FRAS1: variants seen among roughly 807,000 people sequenced by gnomAD.
FRAS1 encodes Fraser extracellular matrix complex subunit 1.
Under a neutral mutation model 435.2 loss-of-function variants are expected in FRAS1, and 290 were observed. The observed-to-expected ratio is 0.67, with a 90% CI of 0.61 to 0.73. The LOEUF (loss-of-function observed/expected upper bound fraction) is 0.73. Among genes scored for constraint, FRAS1 ranks in the 30% least tolerant of loss-of-function variants. The probability of loss-of-function intolerance (pLI) is 0.00; values close to 1 mark genes in which losing one functional copy is unlikely to be tolerated. For synonymous variants in FRAS1, 1,800 were observed against 1,851.0 expected, an observed-to-expected ratio of 0.97 and a Z score of 0.71; for missense variants, 4,860 against 5,001.5, an observed-to-expected ratio of 0.97 and a Z score of 0.85.
At chr4:78,337,566 T>G in intron 19 of FRAS1, 108 bp from the exon 20 acceptor site, 1 of 1,280,458 alleles carries the variant, frequency 7.8e-7, no homozygotes. Context: ...CTAAAGATGA[T>G]TAGAGTTGGA....
intron 2 of FRAS1, among the ~76,000 whole-genome samples, chr4:78,084,654 CT>C (rs754820350): frequency 7.2e-5 from 11 of 151,982 alleles, no homozygotes; most frequent in African/African-American, 2.2e-4. Flanking sequence ...TGATAGATTC[CT>C]TGATTTCTGG....
chr4:78,384,208 G>T, intron 28 of FRAS1, 65 bp downstream of exon 28: 1 of 1,100,502 alleles, frequency 9.1e-7, no homozygotes, highest in Non-Finnish European at 1.3e-6. Flanking sequence ...ACGAAATCTA[G>T]GTTTCCTGTG....
At chr4:78,252,087 A>G (rs1725558321) in intron 4 of FRAS1, among the ~76,000 whole-genome samples, 1 of 152,218 alleles carries the variant, frequency 6.6e-6, no homozygotes, top group African/African-American at 2.4e-5. Flanking sequence ...GGCTTTATAG[A>G]ATGTTTTAAA....
chr4:78,314,218 A>G (rs748479689), intron 15 of FRAS1, among the ~76,000 whole-genome samples: 2 of 152,066 alleles, frequency 1.3e-5, no homozygotes, highest in African/African-American at 2.4e-5. Context: ...TTGCTTGTAT[A>G]TGATGACCCC....
intron 2 of FRAS1, among the ~76,000 whole-genome samples, chr4:78,086,285 G>C (rs1481338719): frequency 1.3e-5 from 2 of 152,144 alleles, no homozygotes; most frequent in Non-Finnish European, 2.9e-5. Context: ...AGTGTGTAGA[G>C]GGAAATTTAT....
At chr4:78,272,181 G>T (rs1035976043) in intron 9 of FRAS1, among the ~76,000 whole-genome samples, 1 of 152,038 alleles carries the variant, frequency 6.6e-6, no homozygotes, top group Non-Finnish European at 1.5e-5. Context: ...TTGTAAATTT[G>T]TTTGAGTTCT....
intron 20 of FRAS1, among the ~76,000 whole-genome samples, chr4:78,354,558 A>T (rs1578268925): frequency 6.6e-6 from 1 of 152,258 alleles, no homozygotes; most frequent in East Asian, 1.9e-4. Flanking sequence ...ATCAATTTTA[A>T]AAGTGGCATT....
At chr4:78,324,104 T>A (rs1729622581) in intron 18 of FRAS1, among the ~76,000 whole-genome samples, 1 of 152,198 alleles carries the variant, frequency 6.6e-6, no homozygotes, top group African/African-American at 2.4e-5. Context: ...TCTTTCTCTC[T>A]TAAAGAGTTA....
At chr4:78,181,837 C>T (rs1560567268) in intron 2 of FRAS1, 1 of 1,612,082 alleles carries the variant, frequency 6.2e-7, no homozygotes, top group Non-Finnish European at 8.5e-7. Context: ...ACTCCTTGCG[C>T]AGCTGTTTGC....
chr4:78,507,373 G>C, intron 61 of FRAS1, 48 bp from the exon 62 acceptor site: 1 of 1,536,196 alleles, frequency 6.5e-7, no homozygotes, highest in Non-Finnish European at 8.8e-7. Context: ...TCTTGGGTGT[G>C]TTTCCTAATG....
chr4:78,182,180 A>C (rs996260237), intron 2 of FRAS1: 7 of 667,958 alleles, frequency 1.0e-5, no homozygotes, highest in Non-Finnish European at 1.5e-5. Flanking sequence ...ACAAATGACC[A>C]TAGAATTATA....
At chr4:78,409,737 A>G (rs746594954) in intron 31 of FRAS1, among the ~76,000 whole-genome samples, 4 of 152,308 alleles carry the variant, frequency 2.6e-5, no homozygotes, top group South Asian at 2.1e-4. Context: ...GAAAATATCT[A>G]TGTTTATGGG....
At chr4:78,308,529 C>T (rs1560644416) in intron 15 of FRAS1, among the ~76,000 whole-genome samples, 2 of 152,186 alleles carry the variant, frequency 1.3e-5, no homozygotes, top group Admixed American at 1.3e-4. Flanking sequence ...GCTTTCCTTT[C>T]CCCAGATCCC....
At chr4:78,081,628 T>C (rs1275764249) in intron 2 of FRAS1, among the ~76,000 whole-genome samples, 1 of 152,124 alleles carries the variant, frequency 6.6e-6, no homozygotes, top group East Asian at 1.9e-4. Flanking sequence ...GCAAGAACCT[T>C]ATCACTAGCT....
At chr4:78,065,081 T>TATATATATATATATATATATACACACAC (rs762909923) in intron 1 of FRAS1, among the ~76,000 whole-genome samples, 1,276 of 124,996 alleles carry the variant, frequency 0.01, 15 homozygotes, top group Non-Finnish European at 0.013. Flanking sequence ...TATATATATA[T>TATATATATATATATATATATACACACAC]ATACATACAC....
Position 78,448,169 on chromosome 4 carries a change from A to G in FRAS1, c.6127A>G (p.Ser2043Gly). 1 of 1,613,662 alleles carries G rather than the reference A, an allele frequency of 6.2e-7. No individual in the cohort carries two copies. Among genetic ancestry groups the G allele is most frequent in the Non-Finnish European group, 8.5e-7 (1 of 1,179,828 alleles). ...AGCTGGGCTGGTTGGGTATGTGCCT[A>G]GTGTCCCTGGCATGGTCGTGGATGA... is the stretch of plus-strand genomic sequence containing the variant. Reference protein sequence around the residue: ...ILAGLVGYVPSVPGMVVDEFQ... With the variant: ...ILAGLVGYVPGVPGMVVDEFQ... The change falls in exon 44 of 74, where the codon AGT (serine) becomes GGT (glycine). Residue 2043 changes from serine to glycine, a missense_variant. Ser to Gly is a moderately conservative substitution (Grantham distance 56). Transcript: ENST00000512123.
intron 38 of FRAS1, among the ~76,000 whole-genome samples, chr4:78,434,671 A>G (rs1450430098): frequency 3.3e-5 from 5 of 152,168 alleles, no homozygotes; most frequent in Non-Finnish European, 1.5e-5. Context: ...ATTAGAAAAA[A>G]AGGAGAATTT....
chr4:78,488,813 C>G, intron 58 of FRAS1, 62 bp from the exon 59 acceptor site: 1 of 1,483,756 alleles, frequency 6.7e-7, no homozygotes, highest in Non-Finnish European at 9.2e-7. Context: ...TGACAAGGAC[C>G]ATGGCCACAG....
intron 2 of FRAS1, among the ~76,000 whole-genome samples, chr4:78,093,621 C>T (rs575341726): frequency 6.6e-6 from 1 of 152,240 alleles, no homozygotes; most frequent in Admixed American, 6.5e-5. Flanking sequence ...CAGATGCTCT[C>T]CAACATTTTA....
Sources: gnomAD v4.1 joint callset for allele counts (sites outside exome capture counted in the v4.1 genomes callset) on GRCh38, gnomAD v4.1.1 for gene constraint, MANE v1.5 for transcripts, NCBI Gene and HGNC (gene_info 2026-07-23, HGNC 2026-07-21) for gene names.